Variants in CEP112 observed in about 807,000 individuals in gnomAD.
The protein encoded by CEP112 is centrosomal protein of 112 kDa.
A neutral mutation model predicts 153.0 loss-of-function variants in CEP112; 127 were observed. That is an observed-to-expected ratio of 0.83 (90% CI 0.72 to 0.96). CEP112 has a LOEUF of 0.96. Among genes scored for constraint, CEP112 ranks in the 40% least tolerant of loss-of-function variants. CEP112 has a pLI of 0.00. For missense variants in CEP112, 1,089 were observed against 1,101.2 expected, an observed-to-expected ratio of 0.99 and a Z score of 0.16; for synonymous variants, 358 against 374.4, an observed-to-expected ratio of 0.96 and a Z score of 0.51.
At chr17:65,898,492 G>C (rs572139769) in intron 20 of CEP112, among the ~76,000 whole-genome samples, 1 of 151,940 alleles carries the variant, frequency 6.6e-6, no homozygotes. Flanking sequence ...TCTACATTTC[G>C]GAATCAGTGA....
At chr17:65,686,898 AAT>A (rs1485033646) in intron 24 of CEP112, among the ~76,000 whole-genome samples, 2 of 152,054 alleles carry the variant, frequency 1.3e-5, no homozygotes, top group African/African-American at 4.8e-5. Context: ...GTAACTTGAA[AAT>A]TGTCATGGAA....
At chr17:66,050,087 T>C (rs2066376325) in intron 12 of CEP112, among the ~76,000 whole-genome samples, 1 of 152,200 alleles carries the variant, frequency 6.6e-6, no homozygotes, top group Admixed American at 6.5e-5. Flanking sequence ...TATTTACATA[T>C]ATAAAAATCA....
chr17:65,962,193 C>A (rs951281336), intron 17 of CEP112, among the ~76,000 whole-genome samples: 6 of 152,022 alleles, frequency 3.9e-5, no homozygotes, highest in African/African-American at 1.4e-4. Flanking sequence ...GATGGTTGCA[C>A]ATCCTTGTGA....
At chr17:66,082,364 T>C (rs546928312) in intron 8 of CEP112, among the ~76,000 whole-genome samples, 9 of 152,336 alleles carry the variant, frequency 5.9e-5, no homozygotes, top group Admixed American at 2.0e-4. Context: ...TTGTGAATGA[T>C]AGGCTAAAGT....
chr17:66,046,280 G>T (rs2066205317), intron 12 of CEP112, among the ~76,000 whole-genome samples: 1 of 152,076 alleles, frequency 6.6e-6, no homozygotes, highest in Non-Finnish European at 1.5e-5. Context: ...CTGACCTTGT[G>T]ATCTGCCCGC....
At chr17:65,686,128 T>C (rs1317143353) in intron 24 of CEP112, among the ~76,000 whole-genome samples, 2 of 150,828 alleles carry the variant, frequency 1.3e-5, no homozygotes, top group South Asian at 2.1e-4. Context: ...TTTTTTTTTT[T>C]TTTTTTCAGC....
intron 21 of CEP112, among the ~76,000 whole-genome samples, chr17:65,785,041 T>A (rs1470540014): frequency 2.0e-5 from 3 of 152,218 alleles, no homozygotes; most frequent in Non-Finnish European, 4.4e-5. Context: ...TCTCTAGGGA[T>A]TTTTCCACTC....
At chr17:65,893,517 GA>G (rs2059551719) in intron 20 of CEP112, among the ~76,000 whole-genome samples, 2 of 151,960 alleles carry the variant, frequency 1.3e-5, no homozygotes, top group African/African-American at 4.8e-5. Context: ...TAAAACAAGT[GA>G]AAAAGTATAA....
At chr17:65,894,999 A>C (rs188818649) in intron 20 of CEP112, among the ~76,000 whole-genome samples, 1 of 152,226 alleles carries the variant, frequency 6.6e-6, no homozygotes, top group East Asian at 1.9e-4. Flanking sequence ...GACTATCAGT[A>C]TTTTAAATCT....
At chr17:65,821,453 C>T (rs1473746174) in intron 21 of CEP112, among the ~76,000 whole-genome samples, 1 of 133,036 alleles carries the variant, frequency 7.5e-6, no homozygotes, top group Non-Finnish European at 1.5e-5. Flanking sequence ...CTGGGGCTTC[C>T]AATACTTAAA....
chr17:65,639,183 T>G (rs541572436), intron 25 of CEP112, among the ~76,000 whole-genome samples: 1 of 152,072 alleles, frequency 6.6e-6, no homozygotes, highest in Non-Finnish European at 1.5e-5. Flanking sequence ...GAAGTTTTAC[T>G]AGGGGAATAT....
chr17:66,014,840 C>T (rs1397485649), intron 16 of CEP112, among the ~76,000 whole-genome samples: 3 of 152,330 alleles, frequency 2.0e-5, no homozygotes, highest in East Asian at 1.9e-4. Context: ...TTGGAATGTG[C>T]CAGTCTTCCC....
intron 21 of CEP112, among the ~76,000 whole-genome samples, chr17:65,825,771 T>C (rs1217406841): frequency 6.6e-6 from 1 of 152,180 alleles, no homozygotes; most frequent in East Asian, 1.9e-4. Flanking sequence ...TGCAAATCTT[T>C]GGCCAGACAA....
intron 18 of CEP112, among the ~76,000 whole-genome samples, chr17:65,938,398 AC>A (rs1474292822): frequency 7.3e-6 from 1 of 137,544 alleles, no homozygotes; most frequent in Non-Finnish European, 1.6e-5. Context: ...TGGGAGAAAC[AC>A]CCAAGAATGA....
chr17:65,810,682 G>T (rs899265957), intron 21 of CEP112, among the ~76,000 whole-genome samples: 2 of 151,632 alleles, frequency 1.3e-5, no homozygotes, highest in South Asian at 2.1e-4. Context: ...CGTGATCAAA[G>T]AATTCTTTAA....
intron 17 of CEP112, among the ~76,000 whole-genome samples, chr17:65,973,630 T>C (rs1319526172): frequency 6.6e-6 from 1 of 152,164 alleles, no homozygotes; most frequent in Non-Finnish European, 1.5e-5. Flanking sequence ...GTGGAGGGAC[T>C]GGAAAAACGA....
intron 19 of CEP112, among the ~76,000 whole-genome samples, chr17:65,910,848 G>C (rs767254326): frequency 9.2e-5 from 14 of 152,026 alleles, no homozygotes; most frequent in Admixed American, 5.2e-4. Context: ...AAGAAAGATA[G>C]ATTCCAATTG....
chr17:65,746,468 G>A (rs1335727086), intron 22 of CEP112, among the ~76,000 whole-genome samples: 1 of 151,918 alleles, frequency 6.6e-6, no homozygotes, highest in Non-Finnish European at 1.5e-5. Flanking sequence ...CAGGTGATAC[G>A]GATATGGAAC....
chr17:65,992,556 A>G (rs1160070450), intron 17 of CEP112, among the ~76,000 whole-genome samples: 2 of 152,170 alleles, frequency 1.3e-5, no homozygotes, highest in Non-Finnish European at 2.9e-5. Context: ...TGATAATGCC[A>G]ATGAATAGTC....
Sources: allele counts gnomAD v4.1 joint callset (sites outside exome capture counted in the v4.1 genomes callset), GRCh38; gene constraint gnomAD v4.1.1; transcripts MANE v1.5; gene names NCBI Gene and HGNC (gene_info 2026-07-23, HGNC 2026-07-21).